MARCHF11: variants seen among roughly 807,000 people sequenced by gnomAD.
MARCHF11 encodes membrane associated ring-CH-type finger 11.
Under a neutral mutation model 37.3 loss-of-function variants are expected in MARCHF11, and 29 were observed. That is an observed-to-expected ratio of 0.78 (90% CI 0.58 to 1.06). MARCHF11 has a LOEUF of 1.06. MARCHF11 is among the 50% of genes least tolerant of loss of function. MARCHF11 has a pLI of 0.00. For missense variants in MARCHF11, 482 were observed against 533.4 expected (o/e 0.90, Z 0.95); for synonymous variants, 233 against 228.0 (o/e 1.02, Z -0.20).
chr5:16,161,434 A>G (rs761435359), intron 2 of MARCHF11, among the ~76,000 whole-genome samples: 35 of 152,042 alleles, frequency 2.3e-4, no homozygotes, highest in Non-Finnish European at 4.1e-4. Flanking sequence ...TCTGAGAGCT[A>G]AAGGTTTTAA....
At position 16,105,363 on chromosome 5, in the gene MARCHF11, TAACA is replaced by T. The variant is rs777417697; in HGVS notation, c.694-14286_694-14283del. ...CTTTACTTTGAATAATATTTTAACA[TAACA>T]AACAAACAAATGCGTTTCTATGAGT... On this transcript the variant is annotated intron_variant, in intron 2 of 3. Coordinates refer to ENST00000332432, the MANE Select transcript of MARCHF11 (RefSeq NM_001102562.3). 1.7e-3 allele frequency among the ~76,000 whole-genome samples: 256 copies of T among 152,340 alleles called. 1 individual carries two copies. Among genetic ancestry groups the T allele is most frequent in the African/African-American group, 5.8e-3 (242 of 41,578 alleles).
At chr5:16,072,977 A>G (rs1174805285) in intron 3 of MARCHF11, among the ~76,000 whole-genome samples, 1 of 151,904 alleles carries the variant, frequency 6.6e-6, no homozygotes, top group East Asian at 1.9e-4. Context: ...TAAATCACAA[A>G]CTCCAGAACT....
At chr5:16,148,597 A>G (rs1179282098) in intron 2 of MARCHF11, among the ~76,000 whole-genome samples, 2 of 152,170 alleles carry the variant, frequency 1.3e-5, no homozygotes, top group Non-Finnish European at 2.9e-5. Flanking sequence ...GCCAACTGTT[A>G]GCCACCTGTT....
At chr5:16,125,288 A>T (rs139416853) in intron 2 of MARCHF11, among the ~76,000 whole-genome samples, 1 of 143,388 alleles carries the variant, frequency 7.0e-6, no homozygotes, top group East Asian at 1.9e-4. Context: ...GCCAATCTGT[A>T]TATTAAACAT....
chr5:16,084,411 G>A (rs1736659321), intron 3 of MARCHF11, among the ~76,000 whole-genome samples: 1 of 152,182 alleles, frequency 6.6e-6, no homozygotes, highest in Admixed American at 6.5e-5. Flanking sequence ...GGGAGGCCGA[G>A]GCAGGCGGGT....
chr5:16,179,746 G>C lies in MARCHF11; in HGVS notation c.-171C>G, dbSNP rs1411137671. 3.7e-5 allele frequency: 12 copies of C among 324,554 alleles called. No homozygotes were observed. Among genetic ancestry groups the C allele is most frequent in the Middle Eastern group, 1.0e-3 (1 of 1,000 alleles). 20.1% of individuals were successfully genotyped at this position (324,554 alleles called of 1,614,324 possible). A position where few individuals can be genotyped will look rare whatever the true frequency, so the allele number is the denominator to read the frequency against. On this transcript the variant is annotated 5_prime_UTR_variant, in exon 1 of 4. Coordinates refer to ENST00000332432, the MANE Select transcript of MARCHF11 (RefSeq NM_001102562.3). ...GGGATGCGGAAGGTTCTGCAGCTGC[G>C]GCGGCGGCAGGCGCGGCCGTTCGGT...
At chr5:16,168,351 T>C (rs1181868760) in intron 2 of MARCHF11, among the ~76,000 whole-genome samples, 2 of 152,120 alleles carry the variant, frequency 1.3e-5, no homozygotes, top group Non-Finnish European at 2.9e-5. Context: ...TTAGGAACCA[T>C]GTCACCCACA....
At chr5:16,115,546 T>C (rs146642104) in intron 2 of MARCHF11, among the ~76,000 whole-genome samples, 39 of 152,346 alleles carry the variant, frequency 2.6e-4, no homozygotes, top group African/African-American at 9.1e-4. Context: ...CATCTGGTAC[T>C]TTTAATACAT....
intron 1 of MARCHF11, among the ~76,000 whole-genome samples, chr5:16,178,585 G>A (rs1738404168): frequency 6.6e-6 from 1 of 152,166 alleles, no homozygotes; most frequent in Admixed American, 6.5e-5. Context: ...TCACATCCGT[G>A]AGATTAAGTC....
chr5:16,092,004 A>G (rs1736797294), intron 2 of MARCHF11, among the ~76,000 whole-genome samples: 1 of 152,220 alleles, frequency 6.6e-6, no homozygotes, highest in South Asian at 2.1e-4. Flanking sequence ...AGCTCTGGCT[A>G]TGGCAACATA....
intron 1 of MARCHF11, 53 bp downstream of exon 1, chr5:16,178,986 C>T: frequency 7.3e-7 from 1 of 1,365,918 alleles, no homozygotes. Flanking sequence ...GAAAGCTTGA[C>T]CGGCGCGAGC....
At chr5:16,101,351 G>T (rs943571964) in intron 2 of MARCHF11, among the ~76,000 whole-genome samples, 1 of 152,140 alleles carries the variant, frequency 6.6e-6, no homozygotes, top group African/African-American at 2.4e-5. Flanking sequence ...ACTCCAGCCT[G>T]GGCAACAGAG....
Position 16,179,334 on chromosome 5 carries a change from T to G in MARCHF11, c.242A>C (p.Glu81Ala). 8.2e-7 allele frequency: 1 copy of G among 1,225,992 alleles called. No individual in the cohort carries two copies. Among genetic ancestry groups the G allele is most frequent in the Middle Eastern group, 3.3e-4 (1 of 3,038 alleles). 75.9% of individuals were successfully genotyped at this position (1,225,992 alleles called of 1,614,324 possible). Residue 81 changes from glutamate (E) to alanine (A), a missense_variant, in exon 1 of 4, where the codon GAG (glutamate) becomes GCG (alanine). Coordinates refer to ENST00000332432, the MANE Select transcript of MARCHF11 (RefSeq NM_001102562.3). ...CAGGGGCAGGGGCGGAGGCGGCAGC[T>G]CGTCCGCTCCCCTGCACCGCGGGGC... Reference protein sequence around the residue: ...EVAPRCRGADELPPPPLPLQP... With the variant: ...EVAPRCRGADALPPPPLPLQP...
chr5:16,086,863 T>C (rs1736706280), intron 3 of MARCHF11, among the ~76,000 whole-genome samples: 1 of 152,226 alleles, frequency 6.6e-6, no homozygotes, highest in Admixed American at 6.5e-5. Flanking sequence ...GTCTTCTATT[T>C]TTTCTCAAAG....
At chr5:16,163,128 CA>C (rs914900160) in intron 2 of MARCHF11, among the ~76,000 whole-genome samples, 1 of 151,930 alleles carries the variant, frequency 6.6e-6, no homozygotes, top group African/African-American at 2.4e-5. Context: ...ATTGTGTCAG[CA>C]TAACTTCATA....
At chr5:16,098,269 G>A (rs576875155) in intron 2 of MARCHF11, among the ~76,000 whole-genome samples, 40 of 152,206 alleles carry the variant, frequency 2.6e-4, no homozygotes, top group East Asian at 1.9e-3. Context: ...ATTTTCACCC[G>A]TTTTACTTCT....
At chr5:16,098,593 C>G (rs1736907998) in intron 2 of MARCHF11, among the ~76,000 whole-genome samples, 1 of 151,854 alleles carries the variant, frequency 6.6e-6, no homozygotes, top group South Asian at 2.1e-4. Context: ...CATGGTGAAA[C>G]CCTGTCTCTA....
At chr5:16,151,275 A>G (rs1455892819) in intron 2 of MARCHF11, among the ~76,000 whole-genome samples, 1 of 152,016 alleles carries the variant, frequency 6.6e-6, no homozygotes, top group Non-Finnish European at 1.5e-5. Flanking sequence ...GCGTTTATGG[A>G]TGAGCATTTA....
At chr5:16,143,118 C>T (rs1310154386) in intron 2 of MARCHF11, among the ~76,000 whole-genome samples, 5 of 152,038 alleles carry the variant, frequency 3.3e-5, no homozygotes, top group African/African-American at 1.2e-4. Context: ...CATTTCTCCT[C>T]CCCTCCTTTC....
Sources: gnomAD v4.1 joint callset for allele counts (sites outside exome capture counted in the v4.1 genomes callset) on GRCh38, gnomAD v4.1.1 for gene constraint, MANE v1.5 for transcripts, NCBI Gene and HGNC (gene_info 2026-07-23, HGNC 2026-07-21) for gene names.